EXOC6: variants seen among roughly 807,000 people sequenced by gnomAD.
The protein encoded by EXOC6 is exocyst complex component 6.
Under a neutral mutation model 112.5 loss-of-function variants are expected in EXOC6, and 60 were observed. The ratio of observed to expected loss-of-function variants is 0.53; its 90% CI spans 0.43 to 0.66. The LOEUF is 0.66. Among genes scored for constraint, EXOC6 ranks in the 30% least tolerant of loss-of-function variants. The pLI, the probability that EXOC6 is intolerant of heterozygous loss-of-function variation, is 0.00. For synonymous variants in EXOC6, 295 were observed against 308.0 expected (o/e 0.96, Z 0.44); for missense variants, 855 against 957.1 (o/e 0.89, Z 1.41).
chr10:92,838,567 A>G (rs1398602447), intron 1 of EXOC6, among the ~76,000 whole-genome samples: 2 of 152,204 alleles, frequency 1.3e-5, no homozygotes, highest in African/African-American at 4.8e-5. Flanking sequence ...ACTTTTCCCA[A>G]GGTTTATTTG....
chr10:92,917,193 C>G (rs1406349774), intron 7 of EXOC6, among the ~76,000 whole-genome samples: 1 of 152,000 alleles, frequency 6.6e-6, no homozygotes, highest in Non-Finnish European at 1.5e-5. Flanking sequence ...TCTTGAACTC[C>G]TGGCCTGGTG....
chr10:92,996,509 T>C (rs930622783), intron 18 of EXOC6, among the ~76,000 whole-genome samples: 10 of 151,260 alleles, frequency 6.6e-5, no homozygotes, highest in Non-Finnish European at 8.8e-5. Flanking sequence ...CCCAGCTACT[T>C]GGGAGGCTGA....
chr10:92,966,257 G>A (rs932558350), intron 17 of EXOC6, among the ~76,000 whole-genome samples: 4 of 147,382 alleles, frequency 2.7e-5, no homozygotes, highest in Non-Finnish European at 4.5e-5. Context: ...TTCCCTAAAC[G>A]TGGTCTAGAA....
chr10:92,902,455 A>G (rs1850229755), intron 5 of EXOC6, among the ~76,000 whole-genome samples: 1 of 151,710 alleles, frequency 6.6e-6, no homozygotes, highest in Admixed American at 6.6e-5. Flanking sequence ...TTTACCTTCC[A>G]AAGGTGGTGC....
intron 1 of EXOC6, among the ~76,000 whole-genome samples, chr10:92,888,216 G>A (rs1849324905): frequency 6.6e-6 from 1 of 152,054 alleles, no homozygotes; most frequent in Non-Finnish European, 1.5e-5. Flanking sequence ...TTAATGGAGG[G>A]TGGGTATTGC....
At chr10:92,871,121 G>C (rs1848425213) in intron 1 of EXOC6, among the ~76,000 whole-genome samples, 1 of 151,952 alleles carries the variant, frequency 6.6e-6, no homozygotes, top group Non-Finnish European at 1.5e-5. Flanking sequence ...TGTGATAATT[G>C]GTCTGTTTTA....
intron 20 of EXOC6, among the ~76,000 whole-genome samples, chr10:93,045,996 T>A (rs770501425): frequency 7.1e-4 from 108 of 152,368 alleles, no homozygotes; most frequent in Middle Eastern, 3.4e-3. Context: ...CAGAGATGTC[T>A]TAATTACTAG....
At chr10:92,898,441 A>AAG (rs959965643) in intron 4 of EXOC6, among the ~76,000 whole-genome samples, 23 of 151,742 alleles carry the variant, frequency 1.5e-4, no homozygotes, top group Non-Finnish European at 2.9e-4. Flanking sequence ...AAAAAAAAAA[A>AAG]AAAATCACGG....
At chr10:92,983,090 T>C (rs1262527754) in intron 18 of EXOC6, among the ~76,000 whole-genome samples, 1 of 152,224 alleles carries the variant, frequency 6.6e-6, no homozygotes, top group East Asian at 1.9e-4. Flanking sequence ...GAGATTTGGG[T>C]TTTAGGCTTG....
At chr10:92,837,771 C>G (rs4933240) in intron 1 of EXOC6, among the ~76,000 whole-genome samples, 2 of 151,906 alleles carry the variant, frequency 1.3e-5, no homozygotes, top group African/African-American at 4.8e-5. Context: ...CTTGAGGCCC[C>G]GGAATGAACA....
intron 17 of EXOC6, among the ~76,000 whole-genome samples, chr10:92,967,510 GAATT>G (rs1564870683): frequency 6.6e-6 from 1 of 152,028 alleles, no homozygotes; most frequent in African/African-American, 2.4e-5. Context: ...CTAAAAAAGA[GAATT>G]AAAGCTGGAT....
intron 5 of EXOC6, chr10:92,900,285 A>G (rs1234106395): frequency 6.7e-6 from 1 of 149,966 alleles, no homozygotes; most frequent in Non-Finnish European, 1.5e-5. Context: ...CCTTCCCCCC[A>G]AAAAACAAAA....
chr10:92,939,326 G>A (rs1371514326), intron 12 of EXOC6, among the ~76,000 whole-genome samples: 5 of 152,038 alleles, frequency 3.3e-5, no homozygotes, highest in Non-Finnish European at 7.4e-5. Context: ...ATTTCTGGAA[G>A]AAAGAAAGAT....
At chr10:92,851,653 A>G (rs1001420002) in intron 1 of EXOC6, among the ~76,000 whole-genome samples, 1 of 151,856 alleles carries the variant, frequency 6.6e-6, no homozygotes, top group African/African-American at 2.4e-5. Context: ...CCATCTTAAA[A>G]AAACAAAAAC....
chr10:92,969,167 G>A (rs990680587), intron 17 of EXOC6, among the ~76,000 whole-genome samples: 13 of 152,114 alleles, frequency 8.5e-5, no homozygotes, highest in Admixed American at 7.9e-4. Context: ...CAAGCATGGA[G>A]CACACATGCT....
At chr10:92,976,531 G>A in intron 18 of EXOC6, among the ~76,000 whole-genome samples, 1 of 151,550 alleles carries the variant, frequency 6.6e-6, no homozygotes, top group African/African-American at 2.4e-5. Context: ...CACTGCGGAA[G>A]GCCGCAGGGT....
At chr10:92,928,481 T>C in intron 9 of EXOC6, 59 bp downstream of exon 9, 2 of 1,013,016 alleles carry the variant, frequency 2.0e-6, no homozygotes, top group Non-Finnish European at 3.0e-6. Context: ...TTACCCTGTT[T>C]TAATTTCTTC....
chr10:92,881,258 A>G (rs1260680094), intron 1 of EXOC6, among the ~76,000 whole-genome samples: 1 of 152,130 alleles, frequency 6.6e-6, no homozygotes, highest in Non-Finnish European at 1.5e-5. Context: ...AGGCAGGTAG[A>G]TATTGCATGG....
At chr10:92,901,449 AC>A (rs1850164420) in intron 5 of EXOC6, 1 of 151,652 alleles carries the variant, frequency 6.6e-6, no homozygotes, top group Non-Finnish European at 1.5e-5. Context: ...CTGTGAACTT[AC>A]GCATTTTTAA....
Sources: allele counts gnomAD v4.1 joint callset (sites outside exome capture counted in the v4.1 genomes callset), GRCh38; gene constraint gnomAD v4.1.1; transcripts MANE v1.5; gene names NCBI Gene and HGNC (gene_info 2026-07-23, HGNC 2026-07-21).